ANKRD36C: variants seen among roughly 807,000 people sequenced by gnomAD.
The protein encoded by ANKRD36C is ankyrin repeat domain-containing protein 36C.
A neutral mutation model predicts 276.4 loss-of-function variants in ANKRD36C; 61 were observed. The ratio of observed to expected loss-of-function variants is 0.22; its 90% CI spans 0.18 to 0.27. The LOEUF is 0.27. Among genes scored for constraint, ANKRD36C ranks in the 10% least tolerant of loss-of-function variants. The probability of loss-of-function intolerance (pLI) is 1.00; values close to 1 mark genes in which losing one functional copy is unlikely to be tolerated. For synonymous variants in ANKRD36C, 483 were observed against 680.1 expected, an observed-to-expected ratio of 0.71 and a Z score of 4.51; for missense variants, 1,447 against 2,032.3, an observed-to-expected ratio of 0.71 and a Z score of 5.54.
chr2:95,876,548 C>T (rs1235952566), intron 58 of ANKRD36C, 36 bp from the exon 79 acceptor site: 1 of 1,580,032 alleles, frequency 6.3e-7, no homozygotes, highest in African/African-American at 1.3e-5. Context: ...AAATGAGCTA[C>T]ACAGAACAGT....
chr2:95,859,991 G>T, exon 61 of ANKRD36C: 1 of 1,548,914 alleles, frequency 6.5e-7, no homozygotes. Context: ...TTTACTCTAA[G>T]TTGCTCACAG....
At chr2:95,961,108 C>T (rs72935859) in intron 8 of ANKRD36C, among the ~76,000 whole-genome samples, 1 of 103,516 alleles carries the variant, frequency 9.7e-6, no homozygotes, top group African/African-American at 3.6e-5. Context: ...CTTAAACTTG[C>T]CTGACAATTG....
At chr2:95,852,248 T>C in intron 64 of ANKRD36C, 52 bp from the exon 85 acceptor site, 8 of 1,234,188 alleles carry the variant, frequency 6.5e-6, no homozygotes, top group African/African-American at 6.0e-5. Flanking sequence ...TAAATGTCCA[T>C]CAGTAGATGA....
chr2:95,890,774 A>G (rs924516252), intron 46 of ANKRD36C, among the ~76,000 whole-genome samples: 2 of 151,566 alleles, frequency 1.3e-5, no homozygotes, highest in African/African-American at 4.8e-5. Context: ...AATCACTGCA[A>G]TATTCATTGA....
intron 42 of ANKRD36C, chr2:95,910,439 T>A (rs1467068994): frequency 6.4e-7 from 1 of 1,568,132 alleles, no homozygotes; most frequent in South Asian, 1.2e-5. Flanking sequence ...TCCTCGTCAC[T>A]TGTAGCCTGA....
At chr2:95,894,685 T>A (rs542621775) in intron 44 of ANKRD36C, among the ~76,000 whole-genome samples, 2 of 151,430 alleles carry the variant, frequency 1.3e-5, no homozygotes, top group Non-Finnish European at 3.0e-5. Flanking sequence ...TTCACGTTTA[T>A]CTCATTTCTA....
At chr2:95,937,489 G>A (rs1437274591) in intron 22 of ANKRD36C, among the ~76,000 whole-genome samples, 64 of 149,340 alleles carry the variant, frequency 4.3e-4, no homozygotes, top group African/African-American at 1.6e-3. Context: ...TTTCAGAAAA[G>A]CACAAAATAC....
intron 6 of ANKRD36C, among the ~76,000 whole-genome samples, chr2:95,972,865 T>C (rs1678725353): frequency 6.6e-6 from 1 of 152,052 alleles, no homozygotes; most frequent in Non-Finnish European, 1.5e-5. Flanking sequence ...TGATTAAAAA[T>C]ATATCCCATA....
At chr2:95,918,450 C>T (rs1292892502) in intron 34 of ANKRD36C, among the ~76,000 whole-genome samples, 2 of 151,658 alleles carry the variant, frequency 1.3e-5, no homozygotes, top group Admixed American at 6.6e-5. Context: ...CACCATTATA[C>T]TACAAACATT....
chr2:95,866,206 A>C (rs542023915), intron 60 of ANKRD36C, among the ~76,000 whole-genome samples: 1,632 of 124,498 alleles, frequency 0.013, 9 homozygotes, highest in Non-Finnish European at 0.019. Context: ...AACACAGGAA[A>C]AATCTTTGTG....
At chr2:95,945,048 A>G in intron 18 of ANKRD36C, 66 bp downstream of exon 18, 3 of 1,494,468 alleles carry the variant, frequency 2.0e-6, no homozygotes, top group Non-Finnish European at 2.7e-6. Flanking sequence ...ACAAAAAATA[A>G]GAAAGAAAAA....
chr2:95,890,702 G>A (rs991353804), intron 46 of ANKRD36C, among the ~76,000 whole-genome samples: 1 of 151,504 alleles, frequency 6.6e-6, no homozygotes, highest in South Asian at 2.1e-4. Context: ...TATCAACTTT[G>A]ACATAATTCT....
chr2:95,939,912 A>G (rs1352624037), intron 20 of ANKRD36C, among the ~76,000 whole-genome samples: 1 of 147,454 alleles, frequency 6.8e-6, no homozygotes, highest in African/African-American at 2.5e-5. Context: ...TGCAAAAAAA[A>G]AGTATGCATT....
chr2:95,916,181 A>C lies in ANKRD36C; in HGVS notation c.2348-10T>G. ...TTTTTCCGAGAAGACACTGAAAAGCAAAAGGGACACGTAATCACTCACTCG... is the reference window on the plus strand; with the variant it reads ...TTTTTCCGAGAAGACACTGAAAAGCCAAAGGGACACGTAATCACTCACTCG... On this transcript the variant is annotated splice_polypyrimidine_tract_variant and intron_variant, in intron 36 of 66. Transcript: ENST00000456556. 6.2e-7 allele frequency: 1 copy of C among 1,604,324 alleles called. No individual in the cohort carries two copies. The highest frequency in any genetic ancestry group is 8.5e-7 in the Non-Finnish European group (1 of 1,177,830).
intron 59 of ANKRD36C, among the ~76,000 whole-genome samples, chr2:95,874,477 T>G (rs1402725281): frequency 6.6e-6 from 1 of 152,252 alleles, no homozygotes; most frequent in Non-Finnish European, 1.5e-5. Flanking sequence ...GCTAGCCATA[T>G]GTAGAAAGCT....
intron 24 of ANKRD36C, among the ~76,000 whole-genome samples, chr2:95,933,064 T>C: frequency 6.6e-6 from 1 of 152,312 alleles, no homozygotes; most frequent in Non-Finnish European, 1.5e-5. Context: ...GATTGCTTTT[T>C]GTCAGGTTTG....
At chr2:95,928,453 C>G (rs200653572) in intron 26 of ANKRD36C, among the ~76,000 whole-genome samples, 1 of 151,576 alleles carries the variant, frequency 6.6e-6, no homozygotes, top group Non-Finnish European at 1.5e-5. Flanking sequence ...TTCTAGCACT[C>G]TTTCCTGCTT....
chr2:95,949,087 A>G (rs373372101), intron 16 of ANKRD36C, among the ~76,000 whole-genome samples: 3 of 151,454 alleles, frequency 2.0e-5, no homozygotes, highest in East Asian at 1.9e-4. Context: ...TGGGAGTCTT[A>G]GATCTTCAGC....
At chr2:95,978,295 T>G (rs1359321734) in intron 5 of ANKRD36C, 106 bp from the exon 6 acceptor site, 1 of 395,892 alleles carries the variant, frequency 2.5e-6, no homozygotes, top group African/African-American at 2.2e-5. Flanking sequence ...GGATGTTAAT[T>G]ATCCTATACA....
Sources: gnomAD v4.1 joint callset for allele counts (sites outside exome capture counted in the v4.1 genomes callset) on GRCh38, gnomAD v4.1.1 for gene constraint, MANE v1.5 for transcripts, NCBI Gene and HGNC (gene_info 2026-07-23, HGNC 2026-07-21) for gene names.